Variants in PLCD1 observed in about 807,000 individuals in gnomAD.
PLCD1 encodes 1-phosphatidylinositol 4,5-bisphosphate phosphodiesterase delta-1.
Under a neutral mutation model 87.4 loss-of-function variants are expected in PLCD1, and 71 were observed. The observed-to-expected ratio is 0.81, with a 90% confidence interval of 0.67 to 0.99. The LOEUF (loss-of-function observed/expected upper bound fraction) is 0.99, where lower values mean the gene tolerates loss of function less well. PLCD1 is among the 50% of genes least tolerant of loss of function. The pLI is 0.00. For synonymous variants in PLCD1, 348 were observed against 399.2 expected (o/e 0.87, Z 1.53); for missense variants, 867 against 1,001.5 (o/e 0.87, Z 1.81).
intron 3 of PLCD1, among the ~76,000 whole-genome samples, chr3:38,015,817 C>T (rs1364957050): frequency 6.6e-6 from 1 of 152,210 alleles, no homozygotes; most frequent in African/African-American, 2.4e-5. Flanking sequence ...GGCCTCCCAA[C>T]TCCCAGAGGG....
At chr3:38,011,101 T>A in intron 5 of PLCD1, 113 bp downstream of exon 5, 1 of 803,494 alleles carries the variant, frequency 1.2e-6, no homozygotes, top group Non-Finnish European at 1.9e-6. Flanking sequence ...CGGGGCTGGC[T>A]GAGGCAGCCC....
In PLCD1 at chr3:38,008,297, ACT is replaced by A. The variant is rs1350546979; in HGVS notation, c.1971_1972del (p.Val658GlyfsTer33). On this transcript the variant is annotated frameshift_variant, in exon 13 of 15. Coordinates refer to ENST00000334661, the MANE Select transcript of PLCD1 (RefSeq NM_006225.4). LOFTEE classifies it high-confidence loss of function. Reference sequence around the variant, plus strand: ...GTCCCGGCTCACGCCATGGATCTCCACTGTCACTTTGGGGTCCACAATTGAAT... The same window carrying A: ...GTCCCGGCTCACGCCATGGATCTCCAGTCACTTTGGGGTCCACAATTGAAT... The A allele has an allele frequency of 1.2e-6, 2 of 1,613,570 alleles. No homozygotes were observed. The highest frequency in any genetic ancestry group is 2.2e-5 in the South Asian group (2 of 91,060).
intron 3 of PLCD1, among the ~76,000 whole-genome samples, chr3:38,015,137 C>T (rs1439303502): frequency 6.6e-6 from 1 of 152,208 alleles, no homozygotes; most frequent in East Asian, 1.9e-4. Flanking sequence ...AAAACTTATA[C>T]ACGAATGTTA....
At chr3:38,020,125 AT>A (rs1387951812) in intron 2 of PLCD1, 62 bp downstream of exon 2, 18 of 1,457,252 alleles carry the variant, frequency 1.2e-5, no homozygotes, top group Admixed American at 1.7e-5. Context: ...TGACCTTTGT[AT>A]TTACCCAGCC....
Position 38,016,552 on chromosome 3 carries a change from G to A in PLCD1, c.367C>T (p.Leu123=), listed in dbSNP as rs764976506. ...TGGTGGATGATCTTGTGCAGCCCCA[G>A]CACCCAGTGCTGGGCATCAGCTGGC... ...PSPADAQHWV[L]GLHKIIHHSG... Residue 123 remains leucine (L), a synonymous_variant, in exon 3 of 15, where the codon CTG becomes TTG. Coordinates refer to ENST00000334661, the MANE Select transcript of PLCD1 (RefSeq NM_006225.4). 3 of 1,614,028 alleles carry A rather than the reference G, an allele frequency of 1.9e-6. No homozygotes were observed. Among genetic ancestry groups the A allele is most frequent in the East Asian group, 2.2e-5 (1 of 44,868 alleles).
rs750820366 is a variant in PLCD1 at position 38,009,276 on chromosome 3, T to C, written c.1602A>G (p.Glu534=). ...SENRALRLLQ[E]SGNGFVRHNV... is the part of the protein sequence containing the mutation. ...TGGTGGGGAGCCAGGCCTCACCTGA[T>C]TCTTGGAGCAGTCGAAGGGCACGGT... is the stretch of plus-strand genomic sequence containing the variant. The change falls in exon 10 of 15, where the codon GAA becomes GAG. Residue 534 remains glutamate, a synonymous_variant. Transcript: ENST00000334661. 1.8e-5 allele frequency: 29 copies of C among 1,613,934 alleles called. No individual in the cohort carries two copies. In the Admixed American group the frequency reaches 2.5e-4, roughly 14 times the overall value.
intron 9 of PLCD1, 35 bp from the exon 10 acceptor site, chr3:38,009,466 T>C (rs1700031282): frequency 6.2e-7 from 1 of 1,612,096 alleles, no homozygotes; most frequent in Non-Finnish European, 8.5e-7. Context: ...TTAGATTCAG[T>C]GGTTGGGGTA....
intron 5 of PLCD1, among the ~76,000 whole-genome samples, 154 bp from the exon 6 acceptor site, chr3:38,010,716 T>G (rs1346565260): frequency 6.6e-6 from 1 of 152,050 alleles, no homozygotes; most frequent in Non-Finnish European, 1.5e-5. Flanking sequence ...AGTCTGAGGC[T>G]CTCGACCAGA....
At position 38,009,259 on chromosome 3, in the gene PLCD1, A is replaced by G; in HGVS notation, c.1606+13T>C. ...GTAACAGAGCAGGGGAGTGGTGGGG[A>G]GCCAGGCCTCACCTGATTCTTGGAG... On this transcript the variant is annotated intron_variant, in intron 10 of 14. Coordinates refer to ENST00000334661, the MANE Select transcript of PLCD1 (RefSeq NM_006225.4). 1 of 1,613,930 alleles carries G rather than the reference A, an allele frequency of 6.2e-7. No homozygotes were observed. Among genetic ancestry groups the G allele is most frequent in the African/African-American group, 1.3e-5 (1 of 75,002 alleles).
intron 3 of PLCD1, among the ~76,000 whole-genome samples, chr3:38,015,594 T>A (rs1442072802): frequency 1.3e-5 from 2 of 152,194 alleles, no homozygotes; most frequent in Admixed American, 1.3e-4. Context: ...GGTATGTGAA[T>A]TACACCTCAA....
At chr3:38,024,488 C>G in intron 1 of PLCD1, 1 of 1,569,718 alleles carries the variant, frequency 6.4e-7, no homozygotes, top group Non-Finnish European at 8.6e-7. Context: ...AGTGCCGCCT[C>G]CAGTGTTTTA....
At chr3:38,026,574 G>C (rs1700312073) in intron 1 of PLCD1, among the ~76,000 whole-genome samples, 1 of 152,192 alleles carries the variant, frequency 6.6e-6, no homozygotes, top group South Asian at 2.1e-4. Context: ...GGGTCTACAG[G>C]CTTCACCTGA....
intron 3 of PLCD1, among the ~76,000 whole-genome samples, chr3:38,013,252 A>C (rs571982507): frequency 7.6e-6 from 1 of 132,450 alleles, no homozygotes. Context: ...TAGCTCTGTC[A>C]CCCAGGCTGG....
At position 38,008,483 on chromosome 3, in the gene PLCD1, C is replaced by T. The variant is rs764031363; in HGVS notation, c.1877G>A (p.Trp626Ter). The part of the protein sequence containing the change: ...NPRALAQGPW[W>*]ARKRLNIRVI... The stretch of plus-strand genomic sequence containing the variant: ...CCTGATGTTGAGCCGCTTCCGTGCC[C>T]ACCAGGGCCCCTGAGCCAGGGCGCG... Residue 626 changes from tryptophan to a stop codon, truncating the protein, a stop_gained, in exon 12 of 15, where the codon TGG (tryptophan) becomes TAG (stop). Coordinates refer to ENST00000334661, the MANE Select transcript of PLCD1 (RefSeq NM_006225.4). LOFTEE classifies it high-confidence loss of function. 7 of 1,614,246 alleles carry T rather than the reference C, an allele frequency of 4.3e-6. No homozygotes were observed. The highest frequency in any genetic ancestry group is 1.7e-5 in the Admixed American group (1 of 60,034).
In PLCD1 at chr3:38,020,404, C is replaced by G. The variant is rs75770405; in HGVS notation, c.35-52G>C. On this transcript the variant is annotated intron_variant, in intron 1 of 14. Coordinates refer to ENST00000334661, the MANE Select transcript of PLCD1 (RefSeq NM_006225.4). ...ACCTTCTCCACTAGTTTCCCTGATG[C>G]CCTAGGCCTCACACTGGCCATGCCC... 2.2e-3 allele frequency: 3,393 copies of G among 1,568,174 alleles called. 18 individuals carry two copies. Among genetic ancestry groups the G allele is most frequent in the Non-Finnish European group, 2.2e-3 (2,504 of 1,141,158 alleles).
Position 38,009,511 on chromosome 3 carries a change from A to C in PLCD1, c.1447-80T>G. ...CTGAGAAAGCCAGAAACCCAGGCGCAGAGAGACAGAGGGAGACAGACAGAG... is the reference window on the plus strand; with the variant it reads ...CTGAGAAAGCCAGAAACCCAGGCGCCGAGAGACAGAGGGAGACAGACAGAG... On this transcript the variant is annotated intron_variant, in intron 9 of 14. Coordinates refer to ENST00000334661, the MANE Select transcript of PLCD1 (RefSeq NM_006225.4). 1.9e-6 allele frequency: 3 copies of C among 1,570,980 alleles called. No homozygotes were observed. In the East Asian group the frequency reaches 6.7e-5, roughly 35 times the overall value.
intron 3 of PLCD1, among the ~76,000 whole-genome samples, chr3:38,012,319 T>C (rs1049836827): frequency 4.0e-5 from 6 of 151,748 alleles, no homozygotes; most frequent in Admixed American, 3.3e-4. Context: ...TTTCAACATA[T>C]AATATATAAT....
chr3:38,007,892 A>G, intron 14 of PLCD1, 34 bp from the exon 15 acceptor site: 2 of 1,609,550 alleles, frequency 1.2e-6, no homozygotes, highest in Non-Finnish European at 1.7e-6. Context: ...GAACACAGAG[A>G]GAGTTCTGGT....
rs1050574621 is a variant in PLCD1 at position 38,017,249 on chromosome 3, G to A, written c.200-530C>T. Among the ~76,000 whole-genome samples the A allele has an allele frequency of 6.6e-6, 1 of 152,286 alleles. No homozygotes were observed. Among genetic ancestry groups the A allele is most frequent in the African/African-American group, 2.4e-5 (1 of 41,566 alleles). ...CCAGGCCCCTCTCCTGAACATTCAA[G>A]AGACTGGAACCACCCTCAGTTAGCC... On this transcript the variant is annotated intron_variant, in intron 2 of 14. Coordinates refer to ENST00000334661, the MANE Select transcript of PLCD1 (RefSeq NM_006225.4). The surrounding 1 kb of genome is among the most constrained non-coding windows in gnomAD (Gnocchi z 4.7).
Sources: gnomAD v4.1 joint callset for allele counts (sites outside exome capture counted in the v4.1 genomes callset) on GRCh38, gnomAD v4.1.1 for gene constraint, Gnocchi (gnomAD v3.1) non-coding constraint, MANE v1.5 for transcripts, NCBI Gene and HGNC (gene_info 2026-07-23, HGNC 2026-07-21) for gene names.